The following COL22A1 variants were observed in gnomAD, a reference collection of about 807,000 sequenced individuals.
COL22A1 encodes the protein collagen alpha-1(XXII) chain.
COL22A1 carries 221 observed loss-of-function variants against 248.9 expected under a neutral mutation model. The observed-to-expected ratio is 0.89, with a 90% CI of 0.80 to 0.99. COL22A1 has a LOEUF of 0.99. Ranked by LOEUF, COL22A1 falls within the 50% of genes least tolerant of loss-of-function variation. The pLI is 0.00. For synonymous variants in COL22A1, 891 were observed against 793.4 expected (o/e 1.12, Z -2.07); for missense variants, 2,240 against 2,179.0 (o/e 1.03, Z -0.56).
At chr8:138,708,181 G>A (rs537581189) in intron 30 of COL22A1, among the ~76,000 whole-genome samples, 1 of 152,088 alleles carries the variant, frequency 6.6e-6, no homozygotes, top group African/African-American at 2.4e-5. Context: ...TGGATAGGAA[G>A]AATCAATATT....
At position 138,662,039 on chromosome 8, in the gene COL22A1, G is replaced by C; in HGVS notation, c.3231C>G (p.Ala1077=). The C allele has an allele frequency of 3.1e-6, 5 of 1,611,716 alleles. No individual in the cohort carries two copies. Among genetic ancestry groups the C allele is most frequent in the Non-Finnish European group, 4.2e-6 (5 of 1,178,878 alleles). The stretch of plus-strand genomic sequence containing the variant: ...ATTTCTCTGTACTTACGTCCCGGCC[G>C]GCTGGGCCCTGGGGGCCAGGGAATC... ...LPGFPGPQGP[A]GRDGAPGNPG... is the part of the protein sequence containing the mutation. Residue 1077 remains alanine, a synonymous_variant, in exon 43 of 65, where the codon GCC becomes GCG. Coordinates refer to ENST00000303045, the MANE Select transcript of COL22A1 (RefSeq NM_152888.3).
At chr8:138,793,136 C>A (rs1401969562) in intron 12 of COL22A1, among the ~76,000 whole-genome samples, 1 of 152,348 alleles carries the variant, frequency 6.6e-6, no homozygotes. Flanking sequence ...GTATTACCAT[C>A]CCTGGACTCA....
At chr8:138,682,870 G>A (rs1313638134) in intron 39 of COL22A1, among the ~76,000 whole-genome samples, 2 of 151,940 alleles carry the variant, frequency 1.3e-5, no homozygotes, top group Non-Finnish European at 2.9e-5. Flanking sequence ...CAGTTAATTT[G>A]TTGTACCTTT....
intron 22 of COL22A1, among the ~76,000 whole-genome samples, chr8:138,743,022 T>C (rs1205350319): frequency 1.3e-5 from 2 of 151,272 alleles, no homozygotes; most frequent in East Asian, 2.0e-4. Flanking sequence ...GTGATTGTGA[T>C]AGTAGAGTTG....
intron 5 of COL22A1, among the ~76,000 whole-genome samples, chr8:138,829,280 C>T (rs1054019323): frequency 3.3e-5 from 5 of 152,152 alleles, no homozygotes; most frequent in African/African-American, 1.2e-4. Context: ...TCAGTCACTG[C>T]CCATGCAGGA....
At chr8:138,755,272 C>T in intron 20 of COL22A1, 62 bp from the exon 21 acceptor site, 1 of 1,521,342 alleles carries the variant, frequency 6.6e-7, no homozygotes, top group Non-Finnish European at 9.1e-7. Flanking sequence ...TCAGGCCCAC[C>T]ATCACCCATG....
intron 23 of COL22A1, among the ~76,000 whole-genome samples, chr8:138,726,379 C>G (rs1306076132): frequency 6.6e-6 from 1 of 151,766 alleles, no homozygotes; most frequent in East Asian, 1.9e-4. Context: ...TGCCTGTAGT[C>G]CCAGCTACTC....
chr8:138,804,530 G>A (rs1024680542), intron 10 of COL22A1, among the ~76,000 whole-genome samples: 4 of 152,294 alleles, frequency 2.6e-5, no homozygotes, highest in African/African-American at 7.2e-5. Flanking sequence ...GGTAGTTTGC[G>A]CTTTCCTCCC....
intron 5 of COL22A1, chr8:138,828,021 T>C (rs919276460): frequency 6.6e-6 from 1 of 151,690 alleles, no homozygotes; most frequent in Admixed American, 6.6e-5. Context: ...CCCCATCTGC[T>C]TGACTCATAG....
intron 5 of COL22A1, among the ~76,000 whole-genome samples, chr8:138,832,028 C>A (rs1253612281): frequency 6.6e-6 from 1 of 152,110 alleles, no homozygotes; most frequent in Non-Finnish European, 1.5e-5. Flanking sequence ...AAGGAGCCGG[C>A]CAAAACCCAC....
intron 3 of COL22A1, among the ~76,000 whole-genome samples, chr8:138,846,263 A>G (rs1337282778): frequency 6.6e-6 from 1 of 152,210 alleles, no homozygotes; most frequent in Non-Finnish European, 1.5e-5. Context: ...ATTGCGTGTC[A>G]TTTTAATGAG....
At chr8:138,857,910 G>A (rs917010484) in intron 3 of COL22A1, among the ~76,000 whole-genome samples, 1 of 152,222 alleles carries the variant, frequency 6.6e-6, no homozygotes, top group African/African-American at 2.4e-5. Flanking sequence ...ACCCATAGAG[G>A]TCGCCTGCTG....
intron 3 of COL22A1, among the ~76,000 whole-genome samples, chr8:138,864,321 A>G (rs1822705217): frequency 6.6e-6 from 1 of 151,806 alleles, no homozygotes; most frequent in African/African-American, 2.4e-5. Context: ...AGGTTTGTGG[A>G]CAGAACTTGA....
At chr8:138,767,458 C>G (rs1272458616) in intron 16 of COL22A1, among the ~76,000 whole-genome samples, 1 of 151,928 alleles carries the variant, frequency 6.6e-6, no homozygotes, top group Non-Finnish European at 1.5e-5. Context: ...CTCTGGGGCT[C>G]CAGTTCCCCA....
At position 138,687,889 on chromosome 8, in the gene COL22A1, C is replaced by T. The variant is rs1237810514; in HGVS notation, c.2862+1028G>A. 2.0e-5 allele frequency among the ~76,000 whole-genome samples: 3 copies of T among 152,184 alleles called. No homozygotes were observed. The East Asian group carries it at 5.8e-4, about 29-fold the overall frequency. On this transcript the variant is annotated intron_variant, in intron 37 of 64. Coordinates refer to ENST00000303045, the MANE Select transcript of COL22A1 (RefSeq NM_152888.3). ...GTTCTCTGGTCTCTACCCACTGATGCCAGGAGCAGTTACTCCCCTTAGTGG... is the reference window on the plus strand; with the variant it reads ...GTTCTCTGGTCTCTACCCACTGATGTCAGGAGCAGTTACTCCCCTTAGTGG...
At chr8:138,646,951 T>G (rs1323362273) in intron 46 of COL22A1, among the ~76,000 whole-genome samples, 1 of 152,178 alleles carries the variant, frequency 6.6e-6, no homozygotes, top group African/African-American at 2.4e-5. Flanking sequence ...CCTCCCATAT[T>G]TGCAACCTGG....
chr8:138,859,084 C>T (rs1563852565), intron 3 of COL22A1, among the ~76,000 whole-genome samples: 1 of 152,234 alleles, frequency 6.6e-6, no homozygotes, highest in Admixed American at 6.5e-5. Flanking sequence ...TCCTCATCCA[C>T]ATATCCTGCC....
At chr8:138,660,310 C>T in intron 44 of COL22A1, 126 bp downstream of exon 44, 1 of 762,666 alleles carries the variant, frequency 1.3e-6, no homozygotes, top group Non-Finnish European at 2.2e-6. Context: ...ATATTAGTTT[C>T]CTCTGCCCAC....
chr8:138,825,916 A>G (rs911747300), intron 6 of COL22A1: 9 of 152,182 alleles, frequency 5.9e-5, no homozygotes, highest in Non-Finnish European at 1.3e-4. Context: ...TCTCAAACCA[A>G]CAGATGGTGT....
Sources: allele counts gnomAD v4.1 joint callset (sites outside exome capture counted in the v4.1 genomes callset), GRCh38; gene constraint gnomAD v4.1.1; transcripts MANE v1.5; gene names NCBI Gene and HGNC (gene_info 2026-07-23, HGNC 2026-07-21).